PADI1: variants seen among roughly 807,000 people sequenced by gnomAD.
The protein encoded by PADI1 is protein-arginine deiminase type-1.
A neutral mutation model predicts 74.8 loss-of-function variants in PADI1; 65 were observed. The observed-to-expected ratio is 0.87, with a 90% CI of 0.71 to 1.07. The LOEUF is 1.07. Among genes scored for constraint, PADI1 ranks in the 50% least tolerant of loss-of-function variants. The pLI is 0.00. For synonymous variants in PADI1, 371 were observed against 336.2 expected (o/e 1.10, Z -1.13); for missense variants, 943 against 854.0 (o/e 1.10, Z -1.30).
In PADI1 at chr1:17,244,082, T is replaced by G; in HGVS notation, c.1831T>G (p.Cys611Gly). 4 of 1,614,254 alleles carry G rather than the reference T, an allele frequency of 2.5e-6. No homozygotes were observed. Among genetic ancestry groups the G allele is most frequent in the Non-Finnish European group, 3.4e-6 (4 of 1,180,046 alleles). Residue 611 changes from cysteine to glycine, a missense_variant, in exon 16 of 16, where the codon TGC becomes GGC. Cys to Gly is a radical substitution (Grantham distance 159, BLOSUM62 -3). Coordinates refer to ENST00000375471, the MANE Select transcript of PADI1 (RefSeq NM_013358.3). Reference protein sequence around the residue: ...PYGPIINGRCCLEEKVQSLLE... With the variant: ...PYGPIINGRCGLEEKVQSLLE... Reference sequence around the variant, plus strand: ...CGGGCCCATCATCAATGGCCGCTGCTGCCTGGAGGAGAAGGTGCAGTCCCT... The same window carrying G: ...CGGGCCCATCATCAATGGCCGCTGCGGCCTGGAGGAGAAGGTGCAGTCCCT...
chr1:17,243,866 C>A (rs139808715), intron 15 of PADI1, 144 bp from the exon 16 acceptor site: 2 of 613,566 alleles, frequency 3.3e-6, no homozygotes, highest in South Asian at 2.1e-5. Context: ...AACTCTTGAG[C>A]AAACTCCAGT....
At position 17,230,644 on chromosome 1, in the gene PADI1, A is replaced by G. The variant is rs1029537067; in HGVS notation, c.1126A>G (p.Arg376Gly). Residue 376 changes from arginine (R) to glycine (G), a missense_variant, in exon 10 of 16, where the codon AGG becomes GGG. Arg to Gly is a moderately radical substitution (Grantham distance 125). Coordinates refer to ENST00000375471, the MANE Select transcript of PADI1 (RefSeq NM_013358.3). ...FPVVFDSPRN[R>G]GLKDFPYKRI... ...CGTGGTCTTTGACTCCCCCAGGAAC[A>G]GGGGCCTGAAAGATTTCCCCTATAA... 1 of 1,611,322 alleles carries G rather than the reference A, an allele frequency of 6.2e-7. No homozygotes were observed. The highest frequency in any genetic ancestry group is 8.5e-7 in the Non-Finnish European group (1 of 1,178,056).
At chr1:17,235,167 GGGAA>G (rs1223404743) in intron 11 of PADI1, among the ~76,000 whole-genome samples, 41 of 139,654 alleles carry the variant, frequency 2.9e-4, no homozygotes, top group Admixed American at 5.8e-4. Flanking sequence ...GAGGGAGGAA[GGGAA>G]GGAAGGAAGG....
intron 15 of PADI1, among the ~76,000 whole-genome samples, chr1:17,243,610 C>T (rs2072820594): frequency 1.3e-5 from 2 of 152,206 alleles, no homozygotes; most frequent in African/African-American, 2.4e-5. Context: ...GGAAGACATC[C>T]ACACCACAGA....
chr1:17,212,736 G>C (rs1180054040), intron 1 of PADI1, among the ~76,000 whole-genome samples: 1 of 152,158 alleles, frequency 6.6e-6, no homozygotes, highest in East Asian at 1.9e-4. Context: ...GGGGCTGGCC[G>C]GGATGACCTC....
At position 17,232,848 on chromosome 1, in the gene PADI1, G is replaced by C; in HGVS notation, c.1191G>C (p.Glu397Asp). 1 of 1,613,444 alleles carries C rather than the reference G, an allele frequency of 6.2e-7. No individual in the cohort carries two copies. The highest frequency in any genetic ancestry group is 8.5e-7 in the Non-Finnish European group (1 of 1,179,830). ...LGPDFGYVTR[E>D]IPLPGPSSLD... is the part of the protein sequence containing the mutation. Reference sequence around the variant, plus strand: ...CTGACTTTGGATATGTTACCCGGGAGATCCCGCTCCCTGGTCCCTCCAGCC... The same window carrying C: ...CTGACTTTGGATATGTTACCCGGGACATCCCGCTCCCTGGTCCCTCCAGCC... The change falls in exon 11 of 16, where the codon GAG becomes GAC. Residue 397 changes from glutamate to aspartate, a missense_variant. Coordinates refer to ENST00000375471, the MANE Select transcript of PADI1 (RefSeq NM_013358.3).
chr1:17,241,294 G>C (rs1015573755), intron 15 of PADI1, among the ~76,000 whole-genome samples: 1 of 152,354 alleles, frequency 6.6e-6, no homozygotes, highest in South Asian at 2.1e-4. Flanking sequence ...GGGCCTGAGC[G>C]ATGCTATCGG....
At chr1:17,226,306 CAAG>C in intron 6 of PADI1, 148 bp downstream of exon 6, 1 of 851,572 alleles carries the variant, frequency 1.2e-6, no homozygotes, top group Non-Finnish European at 1.8e-6. Context: ...ATATAGTCCT[CAAG>C]GAGGAGGTTC....
intron 1 of PADI1, among the ~76,000 whole-genome samples, chr1:17,215,142 C>T (rs1323436823): frequency 6.6e-6 from 1 of 152,166 alleles, no homozygotes; most frequent in East Asian, 1.9e-4. Context: ...CTGCAGGAAG[C>T]CACATTTCCC....
At chr1:17,240,092 C>T (rs1158600552) in intron 14 of PADI1, 9 of 344,050 alleles carry the variant, frequency 2.6e-5, no homozygotes, top group East Asian at 5.2e-5. Flanking sequence ...GCGAGAGACA[C>T]GGTGGGGAAA....
intron 1 of PADI1, among the ~76,000 whole-genome samples, chr1:17,209,221 GAC>G (rs1313327345): frequency 6.6e-6 from 1 of 152,224 alleles, no homozygotes. Context: ...GATTGACACT[GAC>G]ACTAATTTCC....
At chr1:17,211,933 C>G (rs759893680) in intron 1 of PADI1, among the ~76,000 whole-genome samples, 22 of 152,240 alleles carry the variant, frequency 1.4e-4, no homozygotes, top group Non-Finnish European at 2.9e-4. Flanking sequence ...GTGGACCCCA[C>G]AAGGGCAAAG....
At chr1:17,227,530 C>CAAATAAATAAATAAATAAAT (rs56966982) in intron 6 of PADI1, among the ~76,000 whole-genome samples, 1 of 138,294 alleles carries the variant, frequency 7.2e-6, no homozygotes, top group Non-Finnish European at 1.6e-5. Context: ...GACCCTGTCT[C>CAAATAAATAAATAAATAAAT]AAATAAATAA....
At chr1:17,229,141 C>G in intron 8 of PADI1, 90 bp downstream of exon 8, 1 of 796,790 alleles carries the variant, frequency 1.3e-6, no homozygotes, top group South Asian at 1.6e-5. Flanking sequence ...TCACTCACAC[C>G]GACGGATTCA....
At chr1:17,232,370 G>T (rs2072512238) in intron 10 of PADI1, among the ~76,000 whole-genome samples, 1 of 152,192 alleles carries the variant, frequency 6.6e-6, no homozygotes, top group Non-Finnish European at 1.5e-5. Flanking sequence ...CCCCTGAGGA[G>T]CTGGGAGCAC....
intron 1 of PADI1, among the ~76,000 whole-genome samples, chr1:17,212,435 AC>A (rs1452287667): frequency 8.6e-5 from 5 of 58,338 alleles, no homozygotes; most frequent in African/African-American, 3.3e-4. Context: ...ATTGGCCCCC[AC>A]CCCCACCCAC....
intron 12 of PADI1, among the ~76,000 whole-genome samples, chr1:17,237,729 CAT>C (rs1198262184): frequency 1.3e-5 from 2 of 152,242 alleles, no homozygotes; most frequent in Non-Finnish European, 2.9e-5. Flanking sequence ...CAGATACTCA[CAT>C]GTTTTAATTC....
At chr1:17,214,343 C>T (rs1406205801) in intron 1 of PADI1, among the ~76,000 whole-genome samples, 4 of 152,104 alleles carry the variant, frequency 2.6e-5, no homozygotes, top group Admixed American at 2.0e-4. Flanking sequence ...CCCCTGCCCC[C>T]CGCCCCATGA....
chr1:17,205,454 T>TGGAA, intron 1 of PADI1, 145 bp downstream of exon 1: 1 of 697,744 alleles, frequency 1.4e-6, no homozygotes, highest in Non-Finnish European at 2.5e-6. Flanking sequence ...CTGTGGAGTC[T>TGGAA]GGAAGGAAGG....
Sources: gnomAD v4.1 joint callset for allele counts (sites outside exome capture counted in the v4.1 genomes callset) on GRCh38, gnomAD v4.1.1 for gene constraint, MANE v1.5 for transcripts, NCBI Gene and HGNC (gene_info 2026-07-23, HGNC 2026-07-21) for gene names.